LILRB3: variants seen among roughly 807,000 people sequenced by gnomAD.
LILRB3 encodes leukocyte immunoglobulin like receptor B3.
A neutral mutation model predicts 68.2 loss-of-function variants in LILRB3; 32 were observed. That is an observed-to-expected ratio of 0.47 (90% confidence interval 0.35 to 0.63). LILRB3 has a LOEUF of 0.63. Among genes scored for constraint, LILRB3 ranks in the 30% least tolerant of loss-of-function variants. LILRB3 has a pLI of 0.00. For missense variants in LILRB3, 502 were observed against 791.3 expected (o/e 0.63, Z 4.39); for synonymous variants, 185 against 323.1 (o/e 0.57, Z 4.58).
rs767400387 is a variant in LILRB3, at chr19:54,220,139, G to A, written c.1309+16C>T. On this transcript the variant is annotated intron_variant, in intron 7 of 12. Coordinates refer to ENST00000445347, the Ensembl canonical transcript of LILRB3. ...CTGGGGGAGGCGGCGCTCCCCAAGA[G>A]GCCTCAGTGACTCACCAGGTGTGGA... is the stretch of plus-strand genomic sequence containing the variant. 8 of 1,506,880 alleles carry A rather than the reference G, an allele frequency of 5.3e-6. No homozygotes were observed. Among genetic ancestry groups the A allele is most frequent in the Non-Finnish European group, 7.2e-6 (8 of 1,116,548 alleles). 93.3% of individuals were successfully genotyped at this position (1,506,880 alleles called of 1,614,324 possible).
chr19:54,216,863 T>G, exon 13 of LILRB3: 1 of 1,418,202 alleles, frequency 7.1e-7, no homozygotes, highest in East Asian at 2.5e-5. Flanking sequence ...TTTTGTTTTT[T>G]TGTTATTAAC....
At chr19:54,218,893 C>T in intron 8 of LILRB3, 55 bp from the exon 9 acceptor site, 3 of 1,610,388 alleles carry the variant, frequency 1.9e-6, no homozygotes, top group East Asian at 2.2e-5. Flanking sequence ...TCCCATTCTA[C>T]ACATGCAACT....
chr19:54,218,228 G>A, intron 11 of LILRB3, 133 bp downstream of exon 11: 3 of 1,250,720 alleles, frequency 2.4e-6, no homozygotes, highest in Non-Finnish European at 3.5e-6. Flanking sequence ...CAGCAGGCGG[G>A]AGGCAGCATG....
intron 8 of LILRB3, 108 bp downstream of exon 8, chr19:54,219,021 C>T (rs2077782217): frequency 2.9e-5 from 45 of 1,527,130 alleles, no homozygotes; most frequent in Non-Finnish European, 3.8e-5. Flanking sequence ...ATTACGTGCC[C>T]CTGGAACCGG....
chr19:54,219,048 C>A, intron 8 of LILRB3, 81 bp downstream of exon 8: 1 of 1,538,138 alleles, frequency 6.5e-7, no homozygotes, highest in South Asian at 1.3e-5. Context: ...AAACTGACAC[C>A]CCTGTGTGTT....
At chr19:54,222,287 C>A (rs2078268606) in exon 3 of LILRB3, 2 of 1,610,692 alleles carry the variant, frequency 1.2e-6, no homozygotes, top group East Asian at 4.5e-5. Flanking sequence ...CCTGTCATCA[C>A]CAGCTCCAGG....
Position 54,217,204 on chromosome 19 carries a change from G to T in LILRB3, c.1785C>A (p.Tyr595Ter). Reference sequence around the variant, plus strand: ...TAAGGGTCAAGCTGTGCAGCTGGGCGTAGGTCACATCCTGGGAGGCTTCAG... The same window carrying T: ...TAAGGGTCAAGCTGTGCAGCTGGGCTTAGGTCACATCCTGGGAGGCTTCAG... The change falls in exon 13 of 13, where the codon TAC (tyrosine) becomes TAA (stop). Residue 595 changes from tyrosine (Y) to a stop codon, truncating the protein, a stop_gained. Coordinates refer to ENST00000445347, the Ensembl canonical transcript of LILRB3. LOFTEE classifies it low-confidence loss of function (END_TRUNC). The T allele has an allele frequency of 6.2e-7, 1 of 1,611,778 alleles. No individual in the cohort carries two copies. The highest frequency in any genetic ancestry group is 8.5e-7 in the Non-Finnish European group (1 of 1,179,202).
At chr19:54,219,319 G>A in intron 7 of LILRB3, 74 bp from the exon 8 acceptor site, 1 of 1,504,486 alleles carries the variant, frequency 6.6e-7, no homozygotes, top group South Asian at 1.3e-5. Context: ...CGCGAGCCAG[G>A]TCTTTCCTTC....
At chr19:54,219,020 C>T in intron 8 of LILRB3, 109 bp downstream of exon 8, 1 of 1,526,098 alleles carries the variant, frequency 6.6e-7, no homozygotes, top group South Asian at 1.3e-5. Flanking sequence ...AATTACGTGC[C>T]CCTGGAACCG....
At chr19:54,219,377 C>G in intron 7 of LILRB3, 132 bp from the exon 8 acceptor site, 1 of 1,452,244 alleles carries the variant, frequency 6.9e-7, no homozygotes, top group East Asian at 2.5e-5. Flanking sequence ...AATTGCCACC[C>G]GTACAACCCA....
rs766867991 is a variant in LILRB3, at chr19:54,219,130, A to G, written c.1425T>C (p.Ser475=). The change falls in exon 8 of 13, where the codon TCT becomes TCC. Residue 475 remains serine, a splice_region_variant and synonymous_variant. Transcript: ENST00000445347. ...TGGGTCCCCCGCTTCCCTACTCACC[A>G]GATGTCCTGTGTTTGCTGTGACGCT... 19 of 1,594,716 alleles carry G rather than the reference A, an allele frequency of 1.2e-5. No individual in the cohort carries two copies. In the South Asian group the frequency reaches 2.1e-4, roughly 18 times the overall value.
chr19:54,219,573 T>C, intron 7 of LILRB3: 1 of 1,548,216 alleles, frequency 6.5e-7, no homozygotes, highest in Non-Finnish European at 8.7e-7. Flanking sequence ...CCTGCTCCCC[T>C]CCCCTGCCCC....
rs374181120 is a variant in LILRB3, at chr19:54,219,119, C to A, written c.1426+10G>T. 6.1e-5 allele frequency: 96 copies of A among 1,582,956 alleles called. No individual in the cohort carries two copies. Among genetic ancestry groups the A allele is most frequent in the Non-Finnish European group, 7.7e-5 (90 of 1,166,106 alleles). On this transcript the variant is annotated intron_variant, in intron 8 of 12. Coordinates refer to ENST00000445347, the Ensembl canonical transcript of LILRB3. ...CGGTCGACCCATGGGTCCCCCGCTT[C>A]CCTACTCACCAGATGTCCTGTGTTT...
exon 3 of LILRB3, chr19:54,222,389 T>G (rs1266894520): frequency 6.2e-7 from 1 of 1,608,066 alleles, no homozygotes; most frequent in Admixed American, 1.7e-5. Flanking sequence ...ATGGAGAATC[T>G]GGCCTTGTTC....
chr19:54,216,975 G>A, exon 13 of LILRB3: 4 of 1,562,258 alleles, frequency 2.6e-6, no homozygotes, highest in Non-Finnish European at 3.5e-6. Flanking sequence ...TCTCCTCATG[G>A]TCTGTGTTAG....
At chr19:54,219,487 C>A (rs2077858297) in intron 7 of LILRB3, 4 of 1,549,838 alleles carry the variant, frequency 2.6e-6, no homozygotes, top group Non-Finnish European at 3.5e-6. Context: ...GGGAGTCTGA[C>A]CTGCAGCCCT....
chr19:54,218,407 G>A (rs1429270264), exon 11 of LILRB3: 1 of 1,614,068 alleles, frequency 6.2e-7, no homozygotes, highest in African/African-American at 1.3e-5. Context: ...GTCCTTCACA[G>A]CAGCATCTGC....
chr19:54,218,965 A>G, intron 8 of LILRB3, 127 bp from the exon 9 acceptor site: 1 of 1,534,604 alleles, frequency 6.5e-7, no homozygotes, highest in East Asian at 2.3e-5. Context: ...TTTATGAGAT[A>G]GAAAAAAACT....
chr19:54,222,679 A>T (rs2078317860), intron 2 of LILRB3, 68 bp downstream of exon 2: 3 of 1,612,406 alleles, frequency 1.9e-6, no homozygotes, highest in Non-Finnish European at 2.5e-6. Flanking sequence ...CTCCTCCCCC[A>T]GCTGCCCATG....
Sources: gnomAD v4.1 joint callset for allele counts on GRCh38, gnomAD v4.1.1 for gene constraint, MANE v1.5 for transcripts, NCBI Gene and HGNC (gene_info 2026-07-23, HGNC 2026-07-21) for gene names.